The following NCKAP5 variants were observed in gnomAD, a reference collection of about 807,000 sequenced individuals.
The protein encoded by NCKAP5 is nck-associated protein 5.
Under a neutral mutation model 167.0 loss-of-function variants are expected in NCKAP5, and 92 were observed. The ratio of observed to expected loss-of-function variants is 0.55; its 90% CI spans 0.47 to 0.66. NCKAP5 has a LOEUF of 0.66. NCKAP5 is among the 30% of genes least tolerant of loss of function. The pLI is 0.00. For synonymous variants in NCKAP5, 891 were observed against 877.4 expected (o/e 1.02, Z -0.27); for missense variants, 2,378 against 2,315.0 (o/e 1.03, Z -0.56).
chr2:133,589,404 C>T, the NCKAP5 span, among the ~76,000 whole-genome samples: 9 of 152,056 alleles, frequency 5.9e-5, no homozygotes, highest in Admixed American at 2.0e-4. Context: ...AGCAGTTTCA[C>T]GGGGGAATTG....
intron 7 of NCKAP5, among the ~76,000 whole-genome samples, chr2:132,976,407 A>G (rs1174314298): frequency 1.3e-5 from 2 of 152,020 alleles, no homozygotes; most frequent in East Asian, 3.9e-4. Context: ...TACTGAAAAT[A>G]CAGAAAATTA....
the NCKAP5 span, among the ~76,000 whole-genome samples, chr2:133,659,282 C>T: frequency 6.6e-6 from 1 of 152,060 alleles, no homozygotes; most frequent in Admixed American, 6.6e-5. Context: ...AACTGGATAT[C>T]CACATGCAAA....
chr2:133,384,522 C>T (rs112835885), intron 3 of NCKAP5, among the ~76,000 whole-genome samples: 6 of 152,212 alleles, frequency 3.9e-5, no homozygotes, highest in East Asian at 1.9e-4. Flanking sequence ...TGGCTTAGGA[C>T]TGACTTGGCA....
At chr2:133,419,453 T>G (rs1366832699) in intron 3 of NCKAP5, among the ~76,000 whole-genome samples, 1 of 152,190 alleles carries the variant, frequency 6.6e-6, no homozygotes, top group African/African-American at 2.4e-5. Flanking sequence ...TTTGTTATCT[T>G]GAAAAACTAG....
At chr2:133,361,500 A>G (rs1559416383) in intron 3 of NCKAP5, among the ~76,000 whole-genome samples, 1 of 152,214 alleles carries the variant, frequency 6.6e-6, no homozygotes, top group Non-Finnish European at 1.5e-5. Flanking sequence ...CATATTCTAA[A>G]TGTATTAGTG....
chr2:133,203,280 C>G (rs1338801251), intron 5 of NCKAP5, among the ~76,000 whole-genome samples: 1 of 151,972 alleles, frequency 6.6e-6, no homozygotes, highest in Non-Finnish European at 1.5e-5. Context: ...CTGAGCAAAC[C>G]ATCGCAACGA....
At chr2:133,158,047 G>A (rs574626081) in intron 5 of NCKAP5, among the ~76,000 whole-genome samples, 1 of 152,294 alleles carries the variant, frequency 6.6e-6, no homozygotes, top group Admixed American at 6.5e-5. Context: ...GGGTAGATGT[G>A]CTTCTAAATG....
At chr2:133,347,121 G>A (rs1393762375) in intron 3 of NCKAP5, among the ~76,000 whole-genome samples, 3 of 152,192 alleles carry the variant, frequency 2.0e-5, no homozygotes, top group Non-Finnish European at 4.4e-5. Flanking sequence ...TAGAGATAAG[G>A]CTGGAAGGAA....
At chr2:133,100,881 C>G (rs2081491276) in intron 6 of NCKAP5, among the ~76,000 whole-genome samples, 1 of 152,082 alleles carries the variant, frequency 6.6e-6, no homozygotes, top group South Asian at 2.1e-4. Context: ...AATATTTTTA[C>G]TATATGCAGA....
Position 132,964,377 on chromosome 2 carries a change from T to C in NCKAP5, c.430-508A>G, listed in dbSNP as rs115151102. Among the ~76,000 whole-genome samples, 1,498 of 152,326 alleles carry C rather than the reference T, an allele frequency of 9.8e-3. 15 individuals carry two copies. The highest frequency in any genetic ancestry group is 0.033 in the African/African-American group (1,370 of 41,566). ...ACACCTATTAGTTCTTTCAGCTCAA[T>C]AATGACACAACTTTTAAGGATCCCT... On this transcript the variant is annotated intron_variant, in intron 7 of 19. Coordinates refer to ENST00000409261, the MANE Select transcript of NCKAP5 (RefSeq NM_207363.3).
chr2:132,798,281 CA>C (rs1558794197), intron 11 of NCKAP5, among the ~76,000 whole-genome samples: 2 of 152,142 alleles, frequency 1.3e-5, no homozygotes, highest in South Asian at 4.1e-4. Context: ...CGGAACCCGA[CA>C]AAATACATCA....
chr2:132,706,090 CACACACAT>C lies in NCKAP5; in HGVS notation c.5713+19529_5713+19536del, dbSNP rs953746932. Among the ~76,000 whole-genome samples the C allele has an allele frequency of 3.3e-4, 50 of 152,230 alleles. 1 individual carries two copies. Among genetic ancestry groups the C allele is most frequent in the South Asian group, 2.3e-3 (11 of 4,820 alleles). On this transcript the variant is annotated intron_variant, in intron 19 of 19. Transcript: ENST00000409261. The stretch of plus-strand genomic sequence containing the variant: ...CAAATATAGTTATATACATTACACA[CACACACAT>C]ACACACATACACACATTTTTTTAAA...
At chr2:133,146,685 C>T (rs963465339) in intron 5 of NCKAP5, among the ~76,000 whole-genome samples, 2 of 152,094 alleles carry the variant, frequency 1.3e-5, no homozygotes, top group East Asian at 3.9e-4. Flanking sequence ...CCCTCCAATA[C>T]TAATCCACAC....
intron 4 of NCKAP5, among the ~76,000 whole-genome samples, chr2:133,239,964 A>ATT (rs11413341): frequency 6.6e-6 from 1 of 150,868 alleles, no homozygotes; most frequent in African/African-American, 2.4e-5. Flanking sequence ...CCCTGGCCTT[A>ATT]TTTTTTTTTC....
intron 3 of NCKAP5, among the ~76,000 whole-genome samples, chr2:133,404,657 C>A (rs1193275590): frequency 6.6e-6 from 1 of 152,118 alleles, no homozygotes; most frequent in Non-Finnish European, 1.5e-5. Flanking sequence ...CTACTGTTTT[C>A]TTTAATTGTA....
At chr2:133,537,098 C>T (rs1226124453) in intron 2 of NCKAP5, among the ~76,000 whole-genome samples, 4 of 151,964 alleles carry the variant, frequency 2.6e-5, no homozygotes, top group African/African-American at 9.7e-5. Context: ...TGTCAAAAGT[C>T]TATTGACTAT....
At chr2:132,979,996 C>CTTTTTTTTTTTTTTTTTT (rs1273323851) in intron 7 of NCKAP5, among the ~76,000 whole-genome samples, 1 of 134,674 alleles carries the variant, frequency 7.4e-6, no homozygotes, top group Non-Finnish European at 1.6e-5. Flanking sequence ...TTTTCTTTTT[C>CTTTTTTTTTTTTTTTTTT]TTTTTTTTTT....
chr2:132,925,922 G>T (rs1695848826), intron 8 of NCKAP5, among the ~76,000 whole-genome samples: 1 of 152,164 alleles, frequency 6.6e-6, no homozygotes, highest in South Asian at 2.1e-4. Flanking sequence ...GGGTACAAGT[G>T]CAGTTGTGTT....
chr2:132,740,829 G>A (rs1679118724), intron 16 of NCKAP5, among the ~76,000 whole-genome samples: 1 of 151,882 alleles, frequency 6.6e-6, no homozygotes, highest in Admixed American at 6.6e-5. Flanking sequence ...TTTTTAAAAT[G>A]TAGGAAATTA....
Sources: allele counts gnomAD v4.1 joint callset (sites outside exome capture counted in the v4.1 genomes callset), GRCh38; gene constraint gnomAD v4.1.1; transcripts MANE v1.5; gene names NCBI Gene and HGNC (gene_info 2026-07-23, HGNC 2026-07-21).